The following PTPRK variants were observed in gnomAD, a reference collection of about 807,000 sequenced individuals.
The protein encoded by PTPRK is protein tyrosine phosphatase receptor type K.
Under a neutral mutation model 178.0 loss-of-function variants are expected in PTPRK, and 75 were observed. That is an observed-to-expected ratio of 0.42 (90% confidence interval 0.35 to 0.51). The LOEUF (loss-of-function observed/expected upper bound fraction) is 0.51. Ranked by LOEUF, PTPRK falls within the 20% of genes least tolerant of loss-of-function variation. The pLI is 0.02. For missense variants in PTPRK, 1,441 were observed against 1,797.8 expected (o/e 0.80, Z 3.59); for synonymous variants, 637 against 620.6 (o/e 1.03, Z -0.39).
Position 127,985,293 on chromosome 6 carries a change from C to T in PTPRK, c.3251+428G>A, listed in dbSNP as rs146128449. ...ATTTTTAAATAGCTGTTTTGCAGCACAAATCCTTGCAATTTAGGCCATTTA... is the reference window on the plus strand; with the variant it reads ...ATTTTTAAATAGCTGTTTTGCAGCATAAATCCTTGCAATTTAGGCCATTTA... On this transcript the variant is annotated intron_variant, in intron 22 of 29. Coordinates refer to ENST00000368226, the MANE Select transcript of PTPRK (RefSeq NM_002844.4). 4.1e-3 allele frequency among the ~76,000 whole-genome samples: 629 copies of T among 152,236 alleles called. 5 individuals are homozygous for T. Among genetic ancestry groups the T allele is most frequent in the African/African-American group, 0.014 (565 of 41,556 alleles).
intron 7 of PTPRK, among the ~76,000 whole-genome samples, chr6:128,170,960 G>A (rs1800158004): frequency 6.6e-6 from 1 of 150,760 alleles, no homozygotes; most frequent in African/African-American, 2.4e-5. Flanking sequence ...GGATACACGT[G>A]CAAATACACA....
intron 6 of PTPRK, among the ~76,000 whole-genome samples, chr6:128,216,297 G>A (rs865850381): frequency 9.2e-5 from 14 of 152,072 alleles, no homozygotes; most frequent in African/African-American, 3.1e-4. Context: ...AGCACTTTGG[G>A]AGGCTGAGAC....
At chr6:128,042,607 C>T (rs1320879063) in intron 13 of PTPRK, among the ~76,000 whole-genome samples, 1 of 152,026 alleles carries the variant, frequency 6.6e-6, no homozygotes, top group Non-Finnish European at 1.5e-5. Flanking sequence ...TACACTCGAT[C>T]TACCTGGAAA....
chr6:128,356,671 A>C (rs1834006895), intron 2 of PTPRK, among the ~76,000 whole-genome samples: 1 of 152,090 alleles, frequency 6.6e-6, no homozygotes, highest in African/African-American at 2.4e-5. Context: ...TCTTTCTCAT[A>C]TCATAAATTG....
chr6:128,365,654 A>C (rs888680548), intron 2 of PTPRK, among the ~76,000 whole-genome samples: 2 of 152,082 alleles, frequency 1.3e-5, no homozygotes, highest in Admixed American at 6.6e-5. Context: ...AGCTGTATTT[A>C]TGAGTTTGTT....
At chr6:128,425,079 C>CTTTTTTTTTTTTTTTTTTTTTTTGTTT (rs1157646907) in intron 1 of PTPRK, among the ~76,000 whole-genome samples, 1 of 134,080 alleles carries the variant, frequency 7.5e-6, no homozygotes, top group Non-Finnish European at 1.6e-5. Flanking sequence ...AATGTGTAGT[C>CTTTTTTTTTTTTTTTTTTTTTTTGTTT]TTTTTTTTTT....
intron 1 of PTPRK, among the ~76,000 whole-genome samples, chr6:128,474,151 T>G (rs1297145380): frequency 6.6e-6 from 1 of 151,336 alleles, no homozygotes; most frequent in Non-Finnish European, 1.5e-5. Context: ...GTCTCCTAAT[T>G]CAAAGGGAGA....
At chr6:127,981,646 G>A (rs1296867574) in intron 24 of PTPRK, among the ~76,000 whole-genome samples, 1 of 152,090 alleles carries the variant, frequency 6.6e-6, no homozygotes, top group Non-Finnish European at 1.5e-5. Context: ...AGTAACATCT[G>A]GGCTTGCCAT....
chr6:128,300,173 T>C (rs1365955004), intron 3 of PTPRK, among the ~76,000 whole-genome samples: 2 of 151,890 alleles, frequency 1.3e-5, no homozygotes, highest in Non-Finnish European at 2.9e-5. Flanking sequence ...CACAATGAGA[T>C]ACCATCTCAC....
At chr6:128,151,736 T>C (rs1797279506) in intron 7 of PTPRK, among the ~76,000 whole-genome samples, 1 of 151,968 alleles carries the variant, frequency 6.6e-6, no homozygotes, top group Admixed American at 6.6e-5. Context: ...TAGAAGGTTA[T>C]TACAAACTTC....
At chr6:128,067,433 C>G in intron 12 of PTPRK, 86 bp downstream of exon 12, 2 of 1,233,328 alleles carry the variant, frequency 1.6e-6, no homozygotes, top group Non-Finnish European at 2.1e-6. Flanking sequence ...TTTTTTTTTT[C>G]TTGACGGATG....
intron 7 of PTPRK, among the ~76,000 whole-genome samples, chr6:128,173,962 T>G (rs1468078215): frequency 2.0e-5 from 3 of 151,990 alleles, no homozygotes; most frequent in African/African-American, 7.2e-5. Context: ...CATAAAATAT[T>G]TTAATGTATT....
At chr6:128,381,247 C>G in intron 2 of PTPRK, among the ~76,000 whole-genome samples, 1 of 152,118 alleles carries the variant, frequency 6.6e-6, no homozygotes, top group African/African-American at 2.4e-5. Context: ...CATGGAATAA[C>G]TACATAAAAA....
intron 1 of PTPRK, among the ~76,000 whole-genome samples, chr6:128,471,534 T>G (rs1463845491): frequency 6.8e-6 from 1 of 146,398 alleles, no homozygotes; most frequent in Non-Finnish European, 1.5e-5. Flanking sequence ...AAGAGAAGCC[T>G]TAAAGGAAAG....
At chr6:128,284,549 G>A (rs968674726) in intron 3 of PTPRK, among the ~76,000 whole-genome samples, 1 of 152,164 alleles carries the variant, frequency 6.6e-6, no homozygotes, top group Non-Finnish European at 1.5e-5. Flanking sequence ...AAGAATGAAT[G>A]TTTCTACTTT....
intron 3 of PTPRK, among the ~76,000 whole-genome samples, chr6:128,251,908 C>T (rs1816523353): frequency 6.6e-6 from 1 of 152,152 alleles, no homozygotes; most frequent in African/African-American, 2.4e-5. Context: ...ACCACATTAT[C>T]TAACAGGGAT....
chr6:128,490,305 C>G (rs1427203722), intron 1 of PTPRK, among the ~76,000 whole-genome samples: 3 of 152,150 alleles, frequency 2.0e-5, no homozygotes, highest in Admixed American at 6.5e-5. Flanking sequence ...TGTTTGCTGA[C>G]CCTACTTATT....
chr6:128,009,439 T>C (rs973257699), intron 13 of PTPRK, among the ~76,000 whole-genome samples, 171 bp from the exon 14 acceptor site: 1 of 150,940 alleles, frequency 6.6e-6, no homozygotes, highest in African/African-American at 2.4e-5. Context: ...GATTTAGGGT[T>C]GAGGTAAGGA....
chr6:128,130,301 C>T (rs1464393450), intron 7 of PTPRK, among the ~76,000 whole-genome samples: 1 of 152,140 alleles, frequency 6.6e-6, no homozygotes, highest in Non-Finnish European at 1.5e-5. Flanking sequence ...TCAATAATAA[C>T]TCTTGCAATG....
Sources: gnomAD v4.1 joint callset for allele counts (sites outside exome capture counted in the v4.1 genomes callset) on GRCh38, gnomAD v4.1.1 for gene constraint, MANE v1.5 for transcripts, NCBI Gene and HGNC (gene_info 2026-07-23, HGNC 2026-07-21) for gene names.